Variants in CTNNA2 observed in about 807,000 individuals in gnomAD.
The protein encoded by CTNNA2 is catenin alpha 2, also known as catenin alpha-2.
CTNNA2 carries 42 observed loss-of-function variants against 101.0 expected under a neutral mutation model. The observed-to-expected ratio is 0.42, with a 90% CI of 0.32 to 0.54. CTNNA2 has a LOEUF of 0.54. Among genes scored for constraint, CTNNA2 ranks in the 20% least tolerant of loss-of-function variants. The pLI is 0.14. For synonymous variants in CTNNA2, 450 were observed against 456.4 expected, an observed-to-expected ratio of 0.99 and a Z score of 0.18; for missense variants, 871 against 1,223.1, an observed-to-expected ratio of 0.71 and a Z score of 4.29.
At chr2:79,712,756 C>T (rs949211004) in intron 2 of CTNNA2, among the ~76,000 whole-genome samples, 1 of 152,114 alleles carries the variant, frequency 6.6e-6, no homozygotes, top group Admixed American at 6.5e-5. Flanking sequence ...AAAAATATTT[C>T]TGATTGCAAA....
intron 2 of CTNNA2, among the ~76,000 whole-genome samples, chr2:79,291,329 G>A (rs755431958): frequency 3.9e-5 from 6 of 152,186 alleles, no homozygotes; most frequent in Non-Finnish European, 8.8e-5. Context: ...TCAGGTGTAT[G>A]TCAGTCTCAG....
At chr2:79,885,481 G>A (rs1326931864) in intron 6 of CTNNA2, among the ~76,000 whole-genome samples, 2 of 152,160 alleles carry the variant, frequency 1.3e-5, no homozygotes, top group Admixed American at 1.3e-4. Context: ...CATCAGGGAA[G>A]GATAAGTGTC....
intron 3 of CTNNA2, among the ~76,000 whole-genome samples, chr2:79,347,142 A>G (rs1014556139): frequency 2.0e-5 from 3 of 152,218 alleles, no homozygotes; most frequent in East Asian, 1.9e-4. Context: ...GAAAAAGAAG[A>G]AAGTTCCTTC....
chr2:79,435,037 C>T (rs888530944), intron 4 of CTNNA2, among the ~76,000 whole-genome samples: 8 of 152,072 alleles, frequency 5.3e-5, no homozygotes, highest in African/African-American at 1.9e-4. Flanking sequence ...AACCATAGTG[C>T]CTACATTCTA....
chr2:80,615,250 A>G (rs1174979428), intron 17 of CTNNA2, among the ~76,000 whole-genome samples: 1 of 151,602 alleles, frequency 6.6e-6, no homozygotes, highest in Non-Finnish European at 1.5e-5. Context: ...ACATTTTGAC[A>G]ATAATATTTT....
intron 7 of CTNNA2, among the ~76,000 whole-genome samples, chr2:80,066,541 T>C (rs1697996990): frequency 6.6e-6 from 1 of 152,196 alleles, no homozygotes; most frequent in Non-Finnish European, 1.5e-5. Context: ...CATAATGAGC[T>C]ATCACCTCAC....
intron 17 of CTNNA2, chr2:80,616,600 G>C (rs995424146): frequency 1.3e-4 from 19 of 151,626 alleles, no homozygotes; most frequent in African/African-American, 4.6e-4. Flanking sequence ...CTATAATAAT[G>C]GAGTCTTGAC....
intron 3 of CTNNA2, among the ~76,000 whole-genome samples, chr2:79,818,506 G>A (rs1335175737): frequency 9.3e-5 from 14 of 151,160 alleles, no homozygotes; most frequent in African/African-American, 2.9e-4. Flanking sequence ...TAGTAGAGAC[G>A]GGGTTTCACC....
intron 7 of CTNNA2, among the ~76,000 whole-genome samples, chr2:80,380,097 C>A (rs1573896685): frequency 7.3e-6 from 1 of 137,602 alleles, no homozygotes; most frequent in Non-Finnish European, 1.5e-5. Context: ...AGTGCAGTGG[C>A]ACGATCTCGG....
intron 3 of CTNNA2, among the ~76,000 whole-genome samples, chr2:79,826,689 C>T (rs758733408): frequency 2.6e-5 from 4 of 152,190 alleles, no homozygotes; most frequent in Admixed American, 6.5e-5. Flanking sequence ...TAGATAAATG[C>T]CAATTTCTTC....
Position 80,563,258 on chromosome 2 carries a change from T to C in CTNNA2, c.1741+7365T>C, listed in dbSNP as rs73938506. On this transcript the variant is annotated intron_variant, in intron 12 of 18. Coordinates refer to ENST00000402739, the MANE Select transcript of CTNNA2 (RefSeq NM_001282597.3). Reference sequence around the variant, plus strand: ...GGAATTGGTGGTCTGGATGCTTTAATTGTGCACAACTGAGGCTGTAGTAAT... The same window carrying C: ...GGAATTGGTGGTCTGGATGCTTTAACTGTGCACAACTGAGGCTGTAGTAAT... 9.4e-3 allele frequency among the ~76,000 whole-genome samples: 1,432 copies of C among 152,260 alleles called. 21 individuals carry two copies. Among genetic ancestry groups the C allele is most frequent in the African/African-American group, 0.029 (1,223 of 41,560 alleles).
intron 1 of CTNNA2, chr2:79,547,512 A>G (rs925082912): frequency 2.6e-5 from 4 of 152,434 alleles, no homozygotes; most frequent in Non-Finnish European, 5.9e-5. Context: ...TCTGATGTGA[A>G]GAAAATGTGA....
intron 4 of CTNNA2, among the ~76,000 whole-genome samples, chr2:79,478,670 T>A (rs1465653129): frequency 6.6e-6 from 1 of 152,220 alleles, no homozygotes; most frequent in Non-Finnish European, 1.5e-5. Context: ...GGAGATACCC[T>A]TTGGCCATTA....
chr2:79,669,453 C>T (rs1180737728), intron 2 of CTNNA2, among the ~76,000 whole-genome samples: 1 of 152,124 alleles, frequency 6.6e-6, no homozygotes, highest in African/African-American at 2.4e-5. Context: ...GAGTTCTTGT[C>T]CTGCATACAG....
intron 2 of CTNNA2, among the ~76,000 whole-genome samples, chr2:79,230,825 T>C (rs1674482051): frequency 1.3e-5 from 2 of 152,242 alleles, no homozygotes; most frequent in Non-Finnish European, 2.9e-5. Context: ...CAGGATGACC[T>C]GGATGCAAGA....
At chr2:79,562,524 T>G (rs1254836506) in intron 1 of CTNNA2, among the ~76,000 whole-genome samples, 1 of 152,048 alleles carries the variant, frequency 6.6e-6, no homozygotes, top group Non-Finnish European at 1.5e-5. Context: ...GAAAAGTGCC[T>G]AGCTGCCTAC....
intron 7 of CTNNA2, among the ~76,000 whole-genome samples, chr2:79,955,244 T>C (rs1462038962): frequency 2.0e-5 from 3 of 152,224 alleles, no homozygotes; most frequent in African/African-American, 7.2e-5. Flanking sequence ...CTCCCTTTTA[T>C]TGTGATTCAA....
intron 3 of CTNNA2, chr2:79,777,071 C>T (rs1462155961): frequency 2.0e-5 from 3 of 152,204 alleles, no homozygotes; most frequent in Admixed American, 6.5e-5. Flanking sequence ...ACTTTCCAAT[C>T]AGAGCTTTGT....
At chr2:79,211,688 C>A (rs1449932727) in intron 2 of CTNNA2, among the ~76,000 whole-genome samples, 3 of 152,038 alleles carry the variant, frequency 2.0e-5, no homozygotes, top group African/African-American at 7.2e-5. Flanking sequence ...AGGCAGGAAC[C>A]AGTCATCTGG....
Sources: allele counts gnomAD v4.1 joint callset (sites outside exome capture counted in the v4.1 genomes callset), GRCh38; gene constraint gnomAD v4.1.1; transcripts MANE v1.5; gene names NCBI Gene and HGNC (gene_info 2026-07-23, HGNC 2026-07-21).